Variants in CNTNAP3B observed in about 807,000 individuals in gnomAD.
CNTNAP3B encodes contactin-associated protein-like 3B.
In CNTNAP3B, 25 loss-of-function variants were observed where a neutral mutation model predicts 108.9. That is an observed-to-expected ratio of 0.23 (90% CI 0.17 to 0.32). The LOEUF (loss-of-function observed/expected upper bound fraction) is 0.32. Among genes scored for constraint, CNTNAP3B ranks in the 10% least tolerant of loss-of-function variants. CNTNAP3B has a pLI of 1.00. For synonymous variants in CNTNAP3B, 103 were observed against 473.4 expected (o/e 0.22, Z 10.16); for missense variants, 252 against 1,210.4 (o/e 0.21, Z 11.75).
intron 10 of CNTNAP3B, among the ~76,000 whole-genome samples, chr9:41,969,031 C>T (rs1460352278): frequency 4.6e-5 from 7 of 152,288 alleles, no homozygotes; most frequent in Admixed American, 1.3e-4. Context: ...CTCCTGACCT[C>T]GTGATCCGCC....
intron 13 of CNTNAP3B, among the ~76,000 whole-genome samples, chr9:41,940,535 T>A (rs1824306201): frequency 6.6e-6 from 1 of 152,032 alleles, no homozygotes; most frequent in Admixed American, 6.6e-5. Flanking sequence ...TAAAATCTTT[T>A]TAGGCCGGGT....
intron 3 of CNTNAP3B, among the ~76,000 whole-genome samples, chr9:42,060,298 G>T (rs1827152981): frequency 7.6e-6 from 1 of 131,648 alleles, no homozygotes; most frequent in African/African-American, 3.1e-5. Context: ...TATGTTTTTT[G>T]TCCTTTGTTC....
At chr9:41,965,118 G>A (rs28562285) in intron 10 of CNTNAP3B, among the ~76,000 whole-genome samples, 17,231 of 120,008 alleles carry the variant, frequency 0.14, no homozygotes, top group South Asian at 0.19. Flanking sequence ...TCATCTTGTC[G>A]CCTTTTAGAT....
chr9:41,934,100 C>CATATATATATATAT (rs1186532915), intron 14 of CNTNAP3B, among the ~76,000 whole-genome samples: 4,184 of 89,142 alleles, frequency 0.047, 81 homozygotes, highest in East Asian at 0.074. Flanking sequence ...ATATTTGTTA[C>CATATATATATATAT]ATATATATAT....
At chr9:42,100,207 T>C (rs1166039333) in intron 2 of CNTNAP3B, among the ~76,000 whole-genome samples, 3 of 76,686 alleles carry the variant, frequency 3.9e-5, no homozygotes, top group African/African-American at 1.4e-4. Flanking sequence ...CTCCTTAATA[T>C]CCCACATTCC....
intron 9 of CNTNAP3B, among the ~76,000 whole-genome samples, chr9:41,982,063 C>CTAA (rs1825639826): frequency 2.4e-5 from 1 of 42,436 alleles, no homozygotes; most frequent in Non-Finnish European, 3.8e-5. Context: ...TCTAAAGTCT[C>CTAA]AAAAAAAAAA....
chr9:41,920,625 A>G (rs1418838221), intron 17 of CNTNAP3B, among the ~76,000 whole-genome samples: 10 of 152,302 alleles, frequency 6.6e-5, no homozygotes, highest in African/African-American at 2.4e-4. Context: ...CATAATATAA[A>G]CCACATCAAA....
Position 42,110,058 on chromosome 9 carries a change from G to A in CNTNAP3B, c.86-5319C>T, listed in dbSNP as rs546068734. ...GATTTTGGACTAGGGATACTGATGCGGAACTTCTGGTCTCCAGACTATGAC... is the reference window on the plus strand; with the variant it reads ...GATTTTGGACTAGGGATACTGATGCAGAACTTCTGGTCTCCAGACTATGAC... On this transcript the variant is annotated intron_variant, in intron 1 of 23. Coordinates refer to ENST00000377561, the MANE Select transcript of CNTNAP3B (RefSeq NM_001201380.3). Among the ~76,000 whole-genome samples, 6 of 137,110 alleles carry A rather than the reference G, an allele frequency of 4.4e-5. 1 individual carries two copies. The highest frequency in any genetic ancestry group is 7.8e-5 in the Non-Finnish European group (5 of 64,322). 89.9% of individuals were successfully genotyped at this position (137,110 alleles called of 152,430 possible).
At chr9:42,045,683 A>C (rs577544167) in intron 3 of CNTNAP3B, among the ~76,000 whole-genome samples, 1 of 150,172 alleles carries the variant, frequency 6.7e-6, no homozygotes, top group East Asian at 2.0e-4. Flanking sequence ...TGGAATGGAT[A>C]AACAAAATAT....
intron 1 of CNTNAP3B, among the ~76,000 whole-genome samples, chr9:42,111,181 G>T (rs1242978433): frequency 7.2e-6 from 1 of 139,470 alleles, no homozygotes; most frequent in East Asian, 2.2e-4. Flanking sequence ...CACGCTGAAT[G>T]AATGGGAACA....
chr9:41,943,337 G>A (rs1295624963), intron 13 of CNTNAP3B, among the ~76,000 whole-genome samples: 2 of 148,942 alleles, frequency 1.3e-5, no homozygotes, highest in Non-Finnish European at 3.0e-5. Context: ...CCAAACTGTT[G>A]GACAATAATT....
intron 3 of CNTNAP3B, among the ~76,000 whole-genome samples, chr9:42,014,518 C>A (rs1177218102): frequency 8.5e-6 from 1 of 118,046 alleles, no homozygotes; most frequent in African/African-American, 3.3e-5. Context: ...AGGGCCAGCG[C>A]GTTGGCTCAC....
chr9:42,119,144 A>T (rs1475760780), intron 1 of CNTNAP3B, among the ~76,000 whole-genome samples: 4 of 87,554 alleles, frequency 4.6e-5, no homozygotes, highest in African/African-American at 1.9e-4. Context: ...TTTGATACAA[A>T]ATCAATGTGC....
At chr9:42,029,571 C>T (rs571272951) in intron 3 of CNTNAP3B, among the ~76,000 whole-genome samples, 1,268 of 120,658 alleles carry the variant, frequency 0.011, 116 homozygotes, top group Non-Finnish European at 0.017. Flanking sequence ...TGCTCTGTCG[C>T]CCAGGCTGGA....
intron 13 of CNTNAP3B, among the ~76,000 whole-genome samples, chr9:41,942,063 C>T (rs1162417739): frequency 9.8e-5 from 15 of 152,294 alleles, no homozygotes; most frequent in African/African-American, 2.9e-4. Context: ...ATACCCAGAA[C>T]CAGCCCCCTC....
At chr9:42,086,342 C>A (rs1480253320) in intron 2 of CNTNAP3B, among the ~76,000 whole-genome samples, 1 of 134,580 alleles carries the variant, frequency 7.4e-6, no homozygotes, top group Non-Finnish European at 1.6e-5. Flanking sequence ...GGGGACACAG[C>A]CAAACCATAT....
chr9:42,030,197 A>T (rs1204589029), intron 3 of CNTNAP3B, among the ~76,000 whole-genome samples: 2 of 78,560 alleles, frequency 2.5e-5, no homozygotes, highest in Non-Finnish European at 4.7e-5. Flanking sequence ...GTTAAGCTAA[A>T]AAATGATAGC....
intron 15 of CNTNAP3B, among the ~76,000 whole-genome samples, chr9:41,924,635 T>G (rs1823758340): frequency 9.6e-6 from 1 of 104,300 alleles, no homozygotes; most frequent in African/African-American, 4.2e-5. Flanking sequence ...AGACTCTTGC[T>G]TTCCTTCCTG....
At chr9:41,930,237 C>G (rs1823938014) in intron 14 of CNTNAP3B, among the ~76,000 whole-genome samples, 1 of 152,220 alleles carries the variant, frequency 6.6e-6, no homozygotes, top group East Asian at 1.9e-4. Flanking sequence ...AACACTGCTC[C>G]CAGTAGTTCA....
Sources: gnomAD v4.1 joint callset for allele counts (sites outside exome capture counted in the v4.1 genomes callset) on GRCh38, gnomAD v4.1.1 for gene constraint, MANE v1.5 for transcripts, NCBI Gene and HGNC (gene_info 2026-07-23, HGNC 2026-07-21) for gene names.